Variants in CNTN1 observed in about 807,000 individuals in gnomAD.
The protein encoded by CNTN1 is contactin 1, also known as contactin-1.
A neutral mutation model predicts 126.4 loss-of-function variants in CNTN1; 38 were observed. The observed-to-expected ratio is 0.30, with a 90% CI of 0.23 to 0.39. The LOEUF is 0.39. Among genes scored for constraint, CNTN1 ranks in the 10% least tolerant of loss-of-function variants. The pLI, the probability that CNTN1 is intolerant of heterozygous loss-of-function variation, is 1.00. For synonymous variants in CNTN1, 413 were observed against 422.6 expected (o/e 0.98, Z 0.28); for missense variants, 1,009 against 1,248.4 (o/e 0.81, Z 2.89).
chr12:40,744,605 T>G (rs571934111), intron 1 of CNTN1, among the ~76,000 whole-genome samples: 28 of 152,226 alleles, frequency 1.8e-4, no homozygotes, highest in African/African-American at 6.3e-4. Flanking sequence ...GATATTAGAA[T>G]ACATAGGACT....
chr12:40,874,725 G>T (rs991665598), intron 1 of CNTN1, among the ~76,000 whole-genome samples: 1 of 152,004 alleles, frequency 6.6e-6, no homozygotes, highest in Non-Finnish European at 1.5e-5. Flanking sequence ...ATTCATCCAC[G>T]CTATTATTGA....
chr12:40,958,349 ATATGTG>A (rs1198165906), intron 14 of CNTN1, among the ~76,000 whole-genome samples: 1 of 114,034 alleles, frequency 8.8e-6, no homozygotes, highest in Non-Finnish European at 1.8e-5. Flanking sequence ...GTGTGTGTAT[ATATGTG>A]TGTGTGTGTG....
intron 1 of CNTN1, among the ~76,000 whole-genome samples, chr12:40,872,839 C>T (rs996318091): frequency 6.6e-6 from 1 of 151,964 alleles, no homozygotes; most frequent in Non-Finnish European, 1.5e-5. Context: ...GGATTACAGT[C>T]GTGAACCACC....
At chr12:40,791,949 A>G (rs1443435614) in intron 1 of CNTN1, among the ~76,000 whole-genome samples, 2 of 151,948 alleles carry the variant, frequency 1.3e-5, no homozygotes, top group African/African-American at 2.4e-5. Context: ...TGTGCTCAGC[A>G]CTGTTTAGAG....
At chr12:40,744,634 A>T (rs1018003684) in intron 1 of CNTN1, among the ~76,000 whole-genome samples, 1 of 152,176 alleles carries the variant, frequency 6.6e-6, no homozygotes, top group Non-Finnish European at 1.5e-5. Flanking sequence ...GAATAGAAGT[A>T]GTAGTTAGAA....
chr12:40,987,269 G>T (rs865880112), intron 16 of CNTN1, among the ~76,000 whole-genome samples: 1 of 152,148 alleles, frequency 6.6e-6, no homozygotes, highest in African/African-American at 2.4e-5. Context: ...ATGTTTCAAA[G>T]ATATCAATTT....
chr12:40,996,489 A>G (rs1371834900), intron 17 of CNTN1, among the ~76,000 whole-genome samples: 1 of 152,136 alleles, frequency 6.6e-6, no homozygotes, highest in Non-Finnish European at 1.5e-5. Flanking sequence ...GATGATTTTT[A>G]TGTTTACAAA....
chr12:40,906,691 T>TTTTTA (rs1316859504), intron 1 of CNTN1, among the ~76,000 whole-genome samples: 2 of 147,898 alleles, frequency 1.4e-5, no homozygotes, highest in Non-Finnish European at 3.0e-5. Flanking sequence ...TTTGTTTTTT[T>TTTTTA]TGAGATGGAG....
At chr12:41,035,309 C>A (rs747994248) in intron 23 of CNTN1, among the ~76,000 whole-genome samples, 11 of 152,138 alleles carry the variant, frequency 7.2e-5, no homozygotes, top group Non-Finnish European at 1.2e-4. Context: ...AAGTCTTAGC[C>A]TCCAGAGTTA....
intron 11 of CNTN1, among the ~76,000 whole-genome samples, chr12:40,938,882 C>T (rs984358640): frequency 3.9e-5 from 6 of 152,096 alleles, no homozygotes; most frequent in African/African-American, 7.2e-5. Context: ...TCAGGTGATC[C>T]TCCACCTCAG....
At chr12:40,804,872 T>G (rs1334257637) in intron 1 of CNTN1, among the ~76,000 whole-genome samples, 1 of 148,922 alleles carries the variant, frequency 6.7e-6, no homozygotes, top group Non-Finnish European at 1.5e-5. Context: ...ATCTGAAAAC[T>G]GTCTTTATTT....
intron 3 of CNTN1, among the ~76,000 whole-genome samples, chr12:40,911,376 G>A (rs1201429967): frequency 5.3e-5 from 8 of 152,156 alleles, no homozygotes; most frequent in Non-Finnish European, 1.0e-4. Context: ...CACCGTGCCC[G>A]GCCGCAAAAG....
chr12:40,824,687 ATAGT>A (rs1941552584), intron 1 of CNTN1, among the ~76,000 whole-genome samples: 1 of 152,180 alleles, frequency 6.6e-6, no homozygotes, highest in African/African-American at 2.4e-5. Flanking sequence ...TCCTAGTCAT[ATAGT>A]TAAATTCAGC....
At chr12:40,990,026 G>A (rs1948061672) in intron 16 of CNTN1, among the ~76,000 whole-genome samples, 1 of 151,944 alleles carries the variant, frequency 6.6e-6, no homozygotes, top group Non-Finnish European at 1.5e-5. Context: ...TTAGAGAGAA[G>A]AGACACTTTT....
chr12:41,014,291 C>A lies in CNTN1; in HGVS notation c.2177C>A (p.Thr726Lys). ...GGAAGAAACAGAGAGCTGACCATAACATGGGCGGTAAGTATTGATGAGTTG... is the reference window on the plus strand; with the variant it reads ...GGAAGAAACAGAGAGCTGACCATAAAATGGGCGGTAAGTATTGATGAGTTG... Reference protein sequence around the residue: ...GGGRNRELTITWAPLSREYHY... With the variant: ...GGGRNRELTIKWAPLSREYHY... The change falls in exon 18 of 24, where the codon ACA becomes AAA. Residue 726 changes from threonine (T) to lysine (K), a missense_variant. By Grantham distance (78) the Thr-to-Lys change is moderately conservative (BLOSUM62 -1). Transcript: ENST00000551295. The A allele has an allele frequency of 6.2e-7, 1 of 1,613,916 alleles. No homozygotes were observed. The highest frequency in any genetic ancestry group is 1.1e-5 in the South Asian group (1 of 91,070).
At chr12:40,828,930 T>C (rs369284517) in intron 1 of CNTN1, among the ~76,000 whole-genome samples, 25 of 152,318 alleles carry the variant, frequency 1.6e-4, no homozygotes, top group Middle Eastern at 3.4e-3. Context: ...AATGTATGGA[T>C]AGATGACGTG....
intron 23 of CNTN1, chr12:41,061,739 C>T (rs1312613216): frequency 2.2e-6 from 1 of 454,980 alleles, no homozygotes; most frequent in East Asian, 7.0e-5. Flanking sequence ...AAACTTATAA[C>T]ATTAAACCCT....
At chr12:40,778,591 A>C (rs1939676513) in intron 1 of CNTN1, among the ~76,000 whole-genome samples, 1 of 151,860 alleles carries the variant, frequency 6.6e-6, no homozygotes, top group South Asian at 2.1e-4. Context: ...TTTGCCTTTC[A>C]AAGTATCTTT....
chr12:41,021,075 A>G (rs1436899567), intron 20 of CNTN1, among the ~76,000 whole-genome samples: 5 of 152,196 alleles, frequency 3.3e-5, no homozygotes. Flanking sequence ...ATTTAGACTG[A>G]GTTATGTAGG....
Sources: gnomAD v4.1 joint callset for allele counts (sites outside exome capture counted in the v4.1 genomes callset) on GRCh38, gnomAD v4.1.1 for gene constraint, MANE v1.5 for transcripts, NCBI Gene and HGNC (gene_info 2026-07-23, HGNC 2026-07-21) for gene names.